GNA14: variants seen among roughly 807,000 people sequenced by gnomAD.
The protein encoded by GNA14 is G protein subunit alpha 14.
In GNA14, 50 loss-of-function variants were observed where a neutral mutation model predicts 42.0. The observed-to-expected ratio is 1.19, with a 90% CI of 0.95 to 1.51. GNA14 has a LOEUF of 1.51. GNA14 is among the 40% of genes most tolerant of loss of function. GNA14 has a pLI of 0.00. For missense variants in GNA14, 473 were observed against 446.2 expected (o/e 1.06, Z -0.54); for synonymous variants, 173 against 163.1 (o/e 1.06, Z -0.46).
chr9:77,619,284 G>A (rs1422184877), intron 1 of GNA14, among the ~76,000 whole-genome samples: 1 of 152,150 alleles, frequency 6.6e-6, no homozygotes, highest in African/African-American at 2.4e-5. Flanking sequence ...TCAGTTCACT[G>A]CAACCTCCGC....
intron 1 of GNA14, among the ~76,000 whole-genome samples, chr9:77,622,281 C>T (rs901120034): frequency 1.3e-5 from 2 of 152,168 alleles, no homozygotes; most frequent in Non-Finnish European, 2.9e-5. Flanking sequence ...TATCTCTCAC[C>T]TCTTGAAACT....
chr9:77,634,955 T>C (rs1259521826), intron 1 of GNA14, among the ~76,000 whole-genome samples: 1 of 152,228 alleles, frequency 6.6e-6, no homozygotes, highest in African/African-American at 2.4e-5. Context: ...TCCACAGTTA[T>C]TCAGACATTG....
intron 2 of GNA14, among the ~76,000 whole-genome samples, chr9:77,499,951 G>A (rs1346430394): frequency 6.6e-6 from 1 of 151,860 alleles, no homozygotes; most frequent in East Asian, 1.9e-4. Context: ...ACACATGGGA[G>A]TTTCATAATT....
At chr9:77,479,398 C>T (rs2131727384) in intron 2 of GNA14, among the ~76,000 whole-genome samples, 1 of 152,172 alleles carries the variant, frequency 6.6e-6, no homozygotes, top group Non-Finnish European at 1.5e-5. Context: ...GTTTTGGTAC[C>T]AGTACCATGC....
chr9:77,445,795 A>G (rs1386688287), intron 2 of GNA14, among the ~76,000 whole-genome samples: 2 of 152,066 alleles, frequency 1.3e-5, no homozygotes, highest in Non-Finnish European at 2.9e-5. Context: ...GGGCCATTAA[A>G]CGTGGTCATG....
chr9:77,520,928 C>G (rs1019475521), intron 2 of GNA14, among the ~76,000 whole-genome samples: 2 of 152,174 alleles, frequency 1.3e-5, no homozygotes, highest in African/African-American at 4.8e-5. Flanking sequence ...CCCAAACTTC[C>G]TCATATCCCA....
intron 2 of GNA14, among the ~76,000 whole-genome samples, chr9:77,490,840 G>C (rs975473206): frequency 6.6e-6 from 1 of 152,250 alleles, no homozygotes; most frequent in South Asian, 2.1e-4. Context: ...ACAGTGCAGT[G>C]GTGGGCTGAA....
chr9:77,572,483 A>G (rs1462305047), intron 1 of GNA14, among the ~76,000 whole-genome samples: 2 of 152,168 alleles, frequency 1.3e-5, no homozygotes, highest in African/African-American at 2.4e-5. Context: ...AAAAGACACA[A>G]ATTCCAAATT....
chr9:77,518,813 C>G (rs1194513044), intron 2 of GNA14, among the ~76,000 whole-genome samples: 2 of 152,140 alleles, frequency 1.3e-5, no homozygotes, highest in African/African-American at 4.8e-5. Context: ...ACAAACCAGC[C>G]CATATCTTTA....
At chr9:77,639,958 C>T (rs1029806297) in intron 1 of GNA14, among the ~76,000 whole-genome samples, 2 of 152,204 alleles carry the variant, frequency 1.3e-5, no homozygotes, top group Non-Finnish European at 2.9e-5. Context: ...TATTTTCTTC[C>T]TCTAACAGTA....
In GNA14 at chr9:77,425,981, C is replaced by G. The variant is rs10491839; in HGVS notation, c.724-266G>C. 0.26 allele frequency among the ~76,000 whole-genome samples: 39,403 copies of G among 151,994 alleles called. 5,625 individuals are homozygous for G. The highest frequency in any genetic ancestry group is 0.38 in the African/African-American group (15,945 of 41,446). Reference sequence around the variant, plus strand: ...TCTCCAGCCCAAAACTCACATGGAACGAAGTAAGAAAGGCTTTGGTGCAGC... The same window carrying G: ...TCTCCAGCCCAAAACTCACATGGAAGGAAGTAAGAAAGGCTTTGGTGCAGC... On this transcript the variant is annotated intron_variant, in intron 5 of 6. Transcript: ENST00000341700.
intron 1 of GNA14, among the ~76,000 whole-genome samples, chr9:77,604,581 A>T (rs1461829066): frequency 1.3e-5 from 2 of 152,184 alleles, no homozygotes; most frequent in Non-Finnish European, 2.9e-5. Flanking sequence ...CTGGCTTCTC[A>T]TTGCTAAGCA....
intron 1 of GNA14, among the ~76,000 whole-genome samples, chr9:77,535,334 G>A (rs1837581481): frequency 6.6e-6 from 1 of 152,202 alleles, no homozygotes; most frequent in Non-Finnish European, 1.5e-5. Context: ...CACGAAGTCA[G>A]GAGATCAAGA....
At chr9:77,579,322 A>G (rs1399284865) in intron 1 of GNA14, among the ~76,000 whole-genome samples, 1 of 152,126 alleles carries the variant, frequency 6.6e-6, no homozygotes, top group East Asian at 1.9e-4. Context: ...ACTGGGAATA[A>G]ATGCTCTCTG....
At chr9:77,453,089 A>G (rs1587770142) in intron 2 of GNA14, among the ~76,000 whole-genome samples, 1 of 152,312 alleles carries the variant, frequency 6.6e-6, no homozygotes, top group African/African-American at 2.4e-5. Context: ...ACAGTGAGCC[A>G]TGATTGCACC....
At chr9:77,473,667 G>T (rs1271153209) in intron 2 of GNA14, among the ~76,000 whole-genome samples, 1 of 149,250 alleles carries the variant, frequency 6.7e-6, no homozygotes, top group Non-Finnish European at 1.5e-5. Context: ...AATCCATATG[G>T]GAATGTAAGA....
At chr9:77,647,310 G>A (rs1824372693) in intron 1 of GNA14, among the ~76,000 whole-genome samples, 1 of 152,214 alleles carries the variant, frequency 6.6e-6, no homozygotes, top group African/African-American at 2.4e-5. Context: ...CTGAACCCAA[G>A]ATGTGGGTCA....
chr9:77,453,197 G>A (rs532298594), intron 2 of GNA14, among the ~76,000 whole-genome samples: 26 of 152,146 alleles, frequency 1.7e-4, no homozygotes, highest in Non-Finnish European at 3.1e-4. Flanking sequence ...TGTCCCTTCC[G>A]CCATGCGAAG....
At chr9:77,646,518 G>C (rs1435370722) in intron 1 of GNA14, among the ~76,000 whole-genome samples, 3 of 152,128 alleles carry the variant, frequency 2.0e-5, no homozygotes, top group African/African-American at 7.2e-5. Flanking sequence ...GCCCAGGTCT[G>C]AAGGCCATAC....
Sources: gnomAD v4.1 joint callset for allele counts (sites outside exome capture counted in the v4.1 genomes callset) on GRCh38, gnomAD v4.1.1 for gene constraint, MANE v1.5 for transcripts, NCBI Gene and HGNC (gene_info 2026-07-23, HGNC 2026-07-21) for gene names.